The following AKR1D1 variants were observed in gnomAD, a reference collection of about 807,000 sequenced individuals.
The protein encoded by AKR1D1 is aldo-keto reductase family 1 member D1, also known as delta(4)-3-ketosteroid 5-beta-reductase.
AKR1D1 carries 32 observed loss-of-function variants against 42.6 expected under a neutral mutation model. The observed-to-expected ratio is 0.75, with a 90% confidence interval of 0.57 to 1.01. The LOEUF is 1.01. Among genes scored for constraint, AKR1D1 ranks in the 50% least tolerant of loss-of-function variants. The pLI, the probability that AKR1D1 is intolerant of heterozygous loss-of-function variation, is 0.00. For synonymous variants in AKR1D1, 123 were observed against 135.5 expected (o/e 0.91, Z 0.64); for missense variants, 364 against 402.2 (o/e 0.91, Z 0.81).
chr7:138,094,364 A>T (rs1203973061), intron 3 of AKR1D1, among the ~76,000 whole-genome samples: 10 of 152,090 alleles, frequency 6.6e-5, no homozygotes, highest in Non-Finnish European at 4.4e-5. Context: ...AAAATACAAA[A>T]ATTAGCCAGG....
In AKR1D1 at chr7:138,083,952, A is replaced by T. The variant is rs147316027; in HGVS notation, c.94-4649A>T. Among the ~76,000 whole-genome samples the T allele has an allele frequency of 2.0e-5, 3 of 152,264 alleles. No homozygotes were observed. The East Asian group carries it at 5.8e-4, about 29-fold the overall frequency. On this transcript the variant is annotated intron_variant, in intron 1 of 8. Coordinates refer to ENST00000242375, the MANE Select transcript of AKR1D1 (RefSeq NM_005989.4). ...AAAAAGTATTTGTGAGCGAGCATCA[A>T]GGGTGAAAAACAAGTATTTTCTTTC...
Position 138,107,494 on chromosome 7 carries a change from C to G in AKR1D1, c.769C>G (p.Gln257Glu). 1.9e-6 allele frequency: 3 copies of G among 1,614,150 alleles called. No individual in the cohort carries two copies. Among genetic ancestry groups the G allele is most frequent in the Non-Finnish European group, 2.5e-6 (3 of 1,180,004 alleles). ...GAAAAGGTACAATAAGACAGCAGCT[C>G]AAATTGTTTTGCGTTTCAACATCCA... ...LGKRYNKTAA[Q>E]IVLRFNIQRG... Residue 257 changes from glutamine to glutamate, a missense_variant, in exon 7 of 9, where the codon CAA (glutamine) becomes GAA (glutamate). Physicochemically the swap from Gln to Glu is conservative, Grantham distance 29 (BLOSUM62 2). Coordinates refer to ENST00000242375, the MANE Select transcript of AKR1D1 (RefSeq NM_005989.4).
intron 1 of AKR1D1, among the ~76,000 whole-genome samples, 178 bp from the exon 2 acceptor site, chr7:138,088,423 G>A (rs962518666): frequency 6.6e-6 from 1 of 152,154 alleles, no homozygotes; most frequent in Non-Finnish European, 1.5e-5. Context: ...GGGAGCGGAG[G>A]CCCCTGGGAG....
intron 5 of AKR1D1, 85 bp downstream of exon 5, chr7:138,105,514 A>C: frequency 6.3e-7 from 1 of 1,578,256 alleles, no homozygotes; most frequent in South Asian, 1.1e-5. Context: ...GGAGTCAGGA[A>C]GGCTCATGAT....
At chr7:138,092,425 C>T (rs1400358638) in intron 3 of AKR1D1, among the ~76,000 whole-genome samples, 3 of 152,142 alleles carry the variant, frequency 2.0e-5, no homozygotes, top group Non-Finnish European at 4.4e-5. Context: ...ACCCAGTGTA[C>T]AATTATGTGT....
rs183893253 is a variant in AKR1D1 at position 138,106,534 on chromosome 7, T to G, written c.580-74T>G. On this transcript the variant is annotated intron_variant, in intron 5 of 8. Coordinates refer to ENST00000242375, the MANE Select transcript of AKR1D1 (RefSeq NM_005989.4). ...AATAAAATGGATTTTATTGAAGAAT[T>G]TTTTTTAACAGTACAATTGCATTCA... 57 of 1,141,004 alleles carry G rather than the reference T, an allele frequency of 5.0e-5. No individual in the cohort carries two copies. In the African/African-American group the frequency reaches 8.0e-4, roughly 16 times the overall value. 70.7% of individuals were successfully genotyped at this position (1,141,004 alleles called of 1,614,324 possible).
At chr7:138,089,706 G>A (rs59174706) in intron 2 of AKR1D1, among the ~76,000 whole-genome samples, 98 of 152,324 alleles carry the variant, frequency 6.4e-4, no homozygotes, top group African/African-American at 2.3e-3. Context: ...AATATGGGCT[G>A]TATGTAATAA....
intron 3 of AKR1D1, 95 bp from the exon 4 acceptor site, chr7:138,097,771 T>C: frequency 1.9e-6 from 2 of 1,032,766 alleles, no homozygotes; most frequent in East Asian, 2.6e-5. Context: ...CATTGATTGC[T>C]CACAATTATG....
At chr7:138,090,457 T>C (rs2117431885) in intron 2 of AKR1D1, among the ~76,000 whole-genome samples, 1 of 151,950 alleles carries the variant, frequency 6.6e-6, no homozygotes, top group Non-Finnish European at 1.5e-5. Context: ...GCCAACATGG[T>C]GAAACCCCAT....
chr7:138,113,659 CA>C lies in AKR1D1; in HGVS notation c.856-26del, dbSNP rs569520757. 15,327 of 1,602,428 alleles carry C rather than the reference CA, an allele frequency of 9.6e-3. 113 individuals are homozygous for C. Among genetic ancestry groups the C allele is most frequent in the Non-Finnish European group, 0.011 (13,368 of 1,169,928 alleles). ...ACTTTCTGATCCCAAGCTTGACCTTCAAAAATGTTCTATTATTTCCGTTATT... is the reference window on the plus strand; with the variant it reads ...ACTTTCTGATCCCAAGCTTGACCTTCAAAATGTTCTATTATTTCCGTTATT... On this transcript the variant is annotated intron_variant, in intron 7 of 8. Transcript: ENST00000242375.
chr7:138,082,359 A>T (rs1357290436), intron 1 of AKR1D1, among the ~76,000 whole-genome samples: 1 of 151,428 alleles, frequency 6.6e-6, no homozygotes, highest in Non-Finnish European at 1.5e-5. Context: ...TTTTAAATTT[A>T]ATTTTCTTTT....
In AKR1D1 at chr7:138,081,992, C is replaced by T. The variant is rs1300059168; in HGVS notation, c.93+5381C>T. 4.6e-5 allele frequency among the ~76,000 whole-genome samples: 7 copies of T among 152,168 alleles called. No individual in the cohort carries two copies. In the East Asian group the frequency reaches 5.8e-4, roughly 13 times the overall value. On this transcript the variant is annotated intron_variant, in intron 1 of 8. Transcript: ENST00000242375. ...CACTGGAAGCCTTCTCTTGGAACAACTAATTATTGGTCTGGTGACTAGGAG... is the reference window on the plus strand; with the variant it reads ...CACTGGAAGCCTTCTCTTGGAACAATTAATTATTGGTCTGGTGACTAGGAG...
intron 1 of AKR1D1, among the ~76,000 whole-genome samples, chr7:138,082,986 C>T (rs1038778093): frequency 6.6e-6 from 1 of 152,262 alleles, no homozygotes; most frequent in South Asian, 2.1e-4. Context: ...AATATTTCCT[C>T]AAGATAGTGA....
At chr7:138,098,641 G>A (rs564994825) in intron 4 of AKR1D1, among the ~76,000 whole-genome samples, 61 of 152,082 alleles carry the variant, frequency 4.0e-4, no homozygotes, top group Non-Finnish European at 7.8e-4. Flanking sequence ...AACCTGAAAA[G>A]CAATTCTGTT....
chr7:138,091,762 T>C lies in AKR1D1; in HGVS notation c.262-6T>C, dbSNP rs756810382. The C allele has an allele frequency of 6.3e-7, 1 of 1,599,422 alleles. No individual in the cohort carries two copies. Among genetic ancestry groups the C allele is most frequent in the South Asian group, 1.1e-5 (1 of 90,774 alleles). On this transcript the variant is annotated splice_region_variant and splice_polypyrimidine_tract_variant and intron_variant, in intron 2 of 8. Coordinates refer to ENST00000242375, the MANE Select transcript of AKR1D1 (RefSeq NM_005989.4). ...TTAGTTAATTCTCCCTCTTTGATTCTTTCAGCTATGGGCTACAAATCATGT... is the reference window on the plus strand; with the variant it reads ...TTAGTTAATTCTCCCTCTTTGATTCCTTCAGCTATGGGCTACAAATCATGT...
chr7:138,089,783 T>C (rs950832751), intron 2 of AKR1D1, among the ~76,000 whole-genome samples: 2 of 152,196 alleles, frequency 1.3e-5, no homozygotes, highest in Non-Finnish European at 2.9e-5. Context: ...GCTGAGTTCA[T>C]GTAATGTGCC....
At chr7:138,115,877 A>G (rs1410037698) in intron 8 of AKR1D1, among the ~76,000 whole-genome samples, 16 of 152,088 alleles carry the variant, frequency 1.1e-4, no homozygotes, top group Non-Finnish European at 7.4e-5. Context: ...GCTACTCATC[A>G]CCTTTCTAGA....
At position 138,099,024 on chromosome 7, in the gene AKR1D1, T is replaced by C. The variant is rs573123595; in HGVS notation, c.456+1081T>C. On this transcript the variant is annotated intron_variant, in intron 4 of 8. Transcript: ENST00000242375. ...TCTGGCAGTTTTTTTTTCCCACCGA[T>C]GTGATTCCAAACTCCAAAAGTTTGG... Among the ~76,000 whole-genome samples the C allele has an allele frequency of 2.6e-5, 4 of 152,228 alleles. No homozygotes were observed. In the South Asian group the frequency reaches 8.3e-4, roughly 32 times the overall value.
At chr7:138,077,548 G>C (rs1702804010) in intron 1 of AKR1D1, among the ~76,000 whole-genome samples, 1 of 152,138 alleles carries the variant, frequency 6.6e-6, no homozygotes, top group Non-Finnish European at 1.5e-5. Context: ...GCATAGAAAT[G>C]GAAATAATTA....
Sources: gnomAD v4.1 joint callset for allele counts (sites outside exome capture counted in the v4.1 genomes callset) on GRCh38, gnomAD v4.1.1 for gene constraint, MANE v1.5 for transcripts, NCBI Gene and HGNC (gene_info 2026-07-23, HGNC 2026-07-21) for gene names.